The following ZNF804B variants were observed in gnomAD, a reference collection of about 807,000 sequenced individuals.
ZNF804B encodes zinc finger protein 804B.
Under a neutral mutation model 101.4 loss-of-function variants are expected in ZNF804B, and 80 were observed. That is an observed-to-expected ratio of 0.79 (90% CI 0.66 to 0.95). The LOEUF (loss-of-function observed/expected upper bound fraction) is 0.95. ZNF804B is among the 40% of genes least tolerant of loss of function. The pLI is 0.00. For synonymous variants in ZNF804B, 622 were observed against 558.8 expected (o/e 1.11, Z -1.59); for missense variants, 1,673 against 1,561.9 (o/e 1.07, Z -1.20).
intron 1 of ZNF804B, among the ~76,000 whole-genome samples, chr7:88,889,019 A>G (rs1792176673): frequency 6.6e-6 from 1 of 152,054 alleles, no homozygotes; most frequent in African/African-American, 2.4e-5. Flanking sequence ...TTTAACTCCC[A>G]CTTATTAGTG....
chr7:88,765,283 C>G (rs1165608940), intron 1 of ZNF804B, among the ~76,000 whole-genome samples: 1 of 151,950 alleles, frequency 6.6e-6, no homozygotes, highest in Non-Finnish European at 1.5e-5. Context: ...TAATTTGGAA[C>G]TAAAATAAAA....
intron 1 of ZNF804B, among the ~76,000 whole-genome samples, chr7:88,846,726 G>C (rs1791378232): frequency 6.6e-6 from 1 of 152,036 alleles, no homozygotes; most frequent in African/African-American, 2.4e-5. Context: ...GTCTATATGT[G>C]AGACTACCAT....
chr7:88,790,418 T>C (rs1460260678), intron 1 of ZNF804B, among the ~76,000 whole-genome samples: 1 of 152,014 alleles, frequency 6.6e-6, no homozygotes, highest in Non-Finnish European at 1.5e-5. Context: ...CCTGATGCTC[T>C]CCCTCCCCTT....
chr7:89,074,008 G>A (rs1396361153), intron 1 of ZNF804B, among the ~76,000 whole-genome samples: 1 of 152,106 alleles, frequency 6.6e-6, no homozygotes, highest in Non-Finnish European at 1.5e-5. Context: ...CACAAGGGAA[G>A]TACCAGTTTA....
intron 2 of ZNF804B, among the ~76,000 whole-genome samples, chr7:89,260,861 G>A (rs1052564443): frequency 3.3e-5 from 5 of 152,184 alleles, no homozygotes; most frequent in Non-Finnish European, 7.4e-5. Flanking sequence ...AATGTCATGA[G>A]TTTTCTCTGC....
intron 1 of ZNF804B, among the ~76,000 whole-genome samples, chr7:88,872,843 C>T (rs1267317115): frequency 1.3e-5 from 2 of 150,306 alleles, no homozygotes; most frequent in Non-Finnish European, 3.0e-5. Context: ...TGTATATGTG[C>T]CACATTTTCT....
At chr7:89,066,967 T>C (rs943051707) in intron 1 of ZNF804B, among the ~76,000 whole-genome samples, 2 of 152,000 alleles carry the variant, frequency 1.3e-5, no homozygotes, top group African/African-American at 4.8e-5. Flanking sequence ...ATATATCTTG[T>C]GGTTATTTTA....
At chr7:88,898,734 C>A (rs1295416063) in intron 1 of ZNF804B, among the ~76,000 whole-genome samples, 1 of 152,166 alleles carries the variant, frequency 6.6e-6, no homozygotes, top group African/African-American at 2.4e-5. Flanking sequence ...ATGCTAGATG[C>A]CTCACTGCCC....
chr7:88,888,016 TG>T (rs1314999620), intron 1 of ZNF804B, among the ~76,000 whole-genome samples: 7 of 152,226 alleles, frequency 4.6e-5, no homozygotes, highest in African/African-American at 1.7e-4. Flanking sequence ...GCTCTATAGT[TG>T]CAGTTATATA....
intron 1 of ZNF804B, among the ~76,000 whole-genome samples, chr7:89,217,866 C>T (rs1788921054): frequency 6.6e-6 from 1 of 152,008 alleles, no homozygotes; most frequent in Admixed American, 6.6e-5. Context: ...AGAAGAATGG[C>T]CAGTGATGTG....
intron 1 of ZNF804B, among the ~76,000 whole-genome samples, chr7:88,801,630 G>T (rs1270030805): frequency 2.6e-5 from 4 of 152,008 alleles, no homozygotes; most frequent in Non-Finnish European, 5.9e-5. Context: ...ACTAAGTAAT[G>T]CCTCTTCTAG....
chr7:88,953,924 AGTT>A (rs1423577224), intron 1 of ZNF804B, among the ~76,000 whole-genome samples: 1 of 151,506 alleles, frequency 6.6e-6, no homozygotes, highest in Non-Finnish European at 1.5e-5. Flanking sequence ...ATTTTCTTCC[AGTT>A]GTTCTGTATT....
chr7:89,308,357 A>G (rs1337003616), intron 2 of ZNF804B, among the ~76,000 whole-genome samples: 1 of 152,110 alleles, frequency 6.6e-6, no homozygotes, highest in Non-Finnish European at 1.5e-5. Flanking sequence ...GATCCTATTC[A>G]GTGAGAATAT....
At chr7:89,171,359 C>CTTCTTCTTCTTCTTCTTCT (rs1562904583) in intron 1 of ZNF804B, among the ~76,000 whole-genome samples, 3 of 66,988 alleles carry the variant, frequency 4.5e-5, no homozygotes, top group East Asian at 3.4e-4. Flanking sequence ...CTTCTTCTTC[C>CTTCTTCTTCTTCTTCTTCT]TCCTCTTCCT....
chr7:88,975,045 C>T (rs987270300), intron 1 of ZNF804B, among the ~76,000 whole-genome samples: 1 of 151,448 alleles, frequency 6.6e-6, no homozygotes, highest in African/African-American at 2.4e-5. Flanking sequence ...TCTTTCCATG[C>T]CTGGCTTATT....
chr7:88,777,000 A>G (rs1790151706), intron 1 of ZNF804B, among the ~76,000 whole-genome samples: 1 of 152,068 alleles, frequency 6.6e-6, no homozygotes, highest in Non-Finnish European at 1.5e-5. Context: ...GGAAGTCACT[A>G]TTGCCCCTAG....
intron 1 of ZNF804B, among the ~76,000 whole-genome samples, chr7:89,215,914 A>AATAAATAAATAAATAAATAC (rs1788887922): frequency 2.7e-5 from 4 of 150,478 alleles, no homozygotes; most frequent in African/African-American, 9.8e-5. Flanking sequence ...TAAATAAATA[A>AATAAATAAATAAATAAATAC]ATAAATAAAT....
chr7:89,008,518 C>T (rs990946742), intron 1 of ZNF804B, among the ~76,000 whole-genome samples: 1 of 152,076 alleles, frequency 6.6e-6, no homozygotes, highest in African/African-American at 2.4e-5. Context: ...CATTTCTTAC[C>T]AGGTCTTTCC....
At chr7:89,036,842 T>G (rs573233410) in intron 1 of ZNF804B, among the ~76,000 whole-genome samples, 1 of 152,230 alleles carries the variant, frequency 6.6e-6, no homozygotes, top group South Asian at 2.1e-4. Context: ...AAAGGGCCAA[T>G]ATTGTTTGAT....
Sources: gnomAD v4.1 joint callset for allele counts (sites outside exome capture counted in the v4.1 genomes callset) on GRCh38, gnomAD v4.1.1 for gene constraint, MANE v1.5 for transcripts, NCBI Gene and HGNC (gene_info 2026-07-23, HGNC 2026-07-21) for gene names.